The following ACKR3 variants were observed in gnomAD, a reference collection of about 807,000 sequenced individuals.
ACKR3 encodes C-X-C chemokine receptor type 7.
Under a neutral mutation model 22.4 loss-of-function variants are expected in ACKR3, and 6 were observed. That is an observed-to-expected ratio of 0.27 (90% CI 0.15 to 0.53). ACKR3 has a LOEUF of 0.53. Ranked by LOEUF, ACKR3 falls within the 20% of genes least tolerant of loss-of-function variation. The pLI is 0.96. For missense variants in ACKR3, 396 were observed against 475.2 expected (o/e 0.83, Z 1.55); for synonymous variants, 209 against 205.2 (o/e 1.02, Z -0.16).
At chr2:236,541,641 C>T in the ACKR3 span, among the ~76,000 whole-genome samples, 2 of 152,274 alleles carry the variant, frequency 1.3e-5, no homozygotes, top group African/African-American at 4.8e-5. Flanking sequence ...GTACACTTAA[C>T]GCCTGTATAG....
At chr2:236,555,295 G>A in the ACKR3 span, among the ~76,000 whole-genome samples, 4 of 152,190 alleles carry the variant, frequency 2.6e-5, no homozygotes, top group Non-Finnish European at 4.4e-5. Context: ...TCATGGGCAC[G>A]AGTACACTTC....
upstream of ACKR3, among the ~76,000 whole-genome samples, chr2:236,562,811 G>A (rs949964083): frequency 2.6e-5 from 4 of 152,142 alleles, no homozygotes; most frequent in East Asian, 3.8e-4. Flanking sequence ...ATTATGAGGC[G>A]GGTGTGGGAG....
In ACKR3 at chr2:236,581,673, G is replaced by A. The variant is rs929069271; in HGVS notation, c.*119G>A. ...TCTTGATGCTTGAGTAGAGTGAAGA[G>A]GGGAGCACGTGCCCCCTGCATCCAT... On this transcript the variant is annotated 3_prime_UTR_variant, in exon 2 of 2. Transcript: ENST00000272928. This position sits in a 1 kb window ranked among gnomAD's most constrained non-coding sequence, Gnocchi z 4.4. 29 of 1,302,548 alleles carry A rather than the reference G, an allele frequency of 2.2e-5. No individual in the cohort carries two copies. In the African/African-American group the frequency reaches 2.8e-4, roughly 13 times the overall value. 80.7% of individuals were successfully genotyped at this position (1,302,548 alleles called of 1,614,324 possible).
At chr2:236,544,664 G>A in the ACKR3 span, among the ~76,000 whole-genome samples, 1 of 152,146 alleles carries the variant, frequency 6.6e-6, no homozygotes, top group Non-Finnish European at 1.5e-5. The surrounding 1 kb of genome is among the most constrained non-coding windows in gnomAD (Gnocchi z 5.0). Context: ...GACGGTCCCC[G>A]GGATTCTGGG....
chr2:236,541,110 C>T, the ACKR3 span, among the ~76,000 whole-genome samples: 24 of 152,298 alleles, frequency 1.6e-4, no homozygotes, highest in South Asian at 5.0e-3. Context: ...CTATCCTTAC[C>T]TGATATCACT....
chr2:236,556,047 G>T, the ACKR3 span, among the ~76,000 whole-genome samples: 1 of 152,156 alleles, frequency 6.6e-6, no homozygotes, highest in Non-Finnish European at 1.5e-5. Context: ...GGGAGCCACA[G>T]AGGCTCAGAG....
At chr2:236,580,297 T>C in intron 1 of ACKR3, 143 bp from the exon 2 acceptor site, 1 of 771,008 alleles carries the variant, frequency 1.3e-6, no homozygotes, top group South Asian at 2.0e-5. Flanking sequence ...TTTTCTCCCT[T>C]CTTTGCAAAG....
chr2:236,561,332 TAAC>T, the ACKR3 span, among the ~76,000 whole-genome samples: 1 of 152,086 alleles, frequency 6.6e-6, no homozygotes. Flanking sequence ...GGAAAGAAAA[TAAC>T]AACACAAGTG....
chr2:236,559,908 C>A, the ACKR3 span, among the ~76,000 whole-genome samples: 22 of 152,318 alleles, frequency 1.4e-4, no homozygotes, highest in African/African-American at 5.1e-4. Context: ...ATTGAAAATA[C>A]CACACTAGGT....
chr2:236,563,233 C>A (rs1327269281), upstream of ACKR3, among the ~76,000 whole-genome samples: 2 of 152,176 alleles, frequency 1.3e-5, no homozygotes, highest in South Asian at 2.1e-4. Context: ...AGGGAGAGGA[C>A]AAAAACCTGA....
At chr2:236,580,338 C>T in intron 1 of ACKR3, 102 bp from the exon 2 acceptor site, 3 of 1,236,368 alleles carry the variant, frequency 2.4e-6, no homozygotes, top group Non-Finnish European at 3.4e-6. Flanking sequence ...AACAGCTGAG[C>T]CTATCAGGGC....
Position 236,581,647 on chromosome 2 carries a change from G to C in ACKR3, c.*93G>C. On this transcript the variant is annotated 3_prime_UTR_variant, in exon 2 of 2. Transcript: ENST00000272928. The surrounding 1 kb of genome is among the most constrained non-coding windows in gnomAD (Gnocchi z 4.4). ...CTAGAGCAAAGCAAAGTAGCTTCGG[G>C]TCTTGATGCTTGAGTAGAGTGAAGA... 1 of 1,482,720 alleles carries C rather than the reference G, an allele frequency of 6.7e-7. No homozygotes were observed. The highest frequency in any genetic ancestry group is 9.1e-7 in the Non-Finnish European group (1 of 1,104,240). 91.8% of individuals were successfully genotyped at this position (1,482,720 alleles called of 1,614,324 possible). A position where few individuals can be genotyped will look rare whatever the true frequency, so the allele number is the denominator to read the frequency against.
chr2:236,567,596 C>A (rs948015339), upstream of ACKR3, among the ~76,000 whole-genome samples: 23 of 152,126 alleles, frequency 1.5e-4, no homozygotes, highest in African/African-American at 5.3e-4. Context: ...GGTGGGAGGC[C>A]CAAGGAGACA....
chr2:236,565,026 C>T (rs1240703572), upstream of ACKR3, among the ~76,000 whole-genome samples: 2 of 152,162 alleles, frequency 1.3e-5, no homozygotes, highest in Non-Finnish European at 2.9e-5. Flanking sequence ...TAAACTTCAT[C>T]AGAGAGTTCA....
chr2:236,560,407 T>G, the ACKR3 span, among the ~76,000 whole-genome samples: 2 of 151,324 alleles, frequency 1.3e-5, no homozygotes, highest in Non-Finnish European at 2.9e-5. Flanking sequence ...TGATGACTAG[T>G]GACATTCAGC....
At chr2:236,569,035 TG>T (rs1691249086), upstream of ACKR3, among the ~76,000 whole-genome samples, 7 of 152,278 alleles carry the variant, frequency 4.6e-5, no homozygotes, top group South Asian at 1.2e-3. Context: ...AATTCCTCCG[TG>T]GGGGGAACTT....
Position 236,581,025 on chromosome 2 carries a change from C to A in ACKR3, c.560C>A (p.Thr187Lys). 1 of 1,614,180 alleles carries A rather than the reference C, an allele frequency of 6.2e-7. No homozygotes were observed. Among genetic ancestry groups the A allele is most frequent in the Non-Finnish European group, 8.5e-7 (1 of 1,180,038 alleles). Residue 187 changes from threonine to lysine, a missense_variant, in exon 2 of 2, where the codon ACG (threonine) becomes AAG (lysine). Coordinates refer to ENST00000272928, the MANE Select transcript of ACKR3 (RefSeq NM_020311.3). This position sits in a 1 kb window ranked among gnomAD's most constrained non-coding sequence, Gnocchi z 4.4. ...GACACCTACTACCTGAAGACCGTCA[C>A]GTCTGCGTCCAACAATGAGACCTAC... Reference protein sequence around the residue: ...LPDTYYLKTVTSASNNETYCR... With the variant: ...LPDTYYLKTVKSASNNETYCR...
chr2:236,553,066 C>T, the ACKR3 span, among the ~76,000 whole-genome samples: 1 of 152,194 alleles, frequency 6.6e-6, no homozygotes, highest in Non-Finnish European at 1.5e-5. Context: ...ACAGGACTAC[C>T]CTAATTTTGT....
upstream of ACKR3, among the ~76,000 whole-genome samples, chr2:236,564,245 T>C (rs2106493502): frequency 6.6e-6 from 1 of 152,300 alleles, no homozygotes; most frequent in African/African-American, 2.4e-5. Context: ...CTCTAAAGGG[T>C]ACCTAGGGGT....
Sources: gnomAD v4.1 joint callset for allele counts (sites outside exome capture counted in the v4.1 genomes callset) on GRCh38, gnomAD v4.1.1 for gene constraint, Gnocchi (gnomAD v3.1) non-coding constraint, MANE v1.5 for transcripts, NCBI Gene and HGNC (gene_info 2026-07-23, HGNC 2026-07-21) for gene names.